Variants in WNK2 observed in about 807,000 individuals in gnomAD.
The protein encoded by WNK2 is WNK lysine deficient protein kinase 2.
In WNK2, 67 loss-of-function variants were observed where a neutral mutation model predicts 192.1. The observed-to-expected ratio is 0.35, with a 90% CI of 0.29 to 0.43. The LOEUF (loss-of-function observed/expected upper bound fraction) is 0.43, where lower values mean the gene tolerates loss of function less well. Among genes scored for constraint, WNK2 ranks in the 20% least tolerant of loss-of-function variants. The pLI, the probability that WNK2 is intolerant of heterozygous loss-of-function variation, is 1.00. For missense variants in WNK2, 2,698 were observed against 3,089.7 expected (o/e 0.87, Z 3.01); for synonymous variants, 1,439 against 1,393.9 (o/e 1.03, Z -0.72).
At chr9:93,199,563 G>A (rs1831942544) in intron 2 of WNK2, among the ~76,000 whole-genome samples, 1 of 152,164 alleles carries the variant, frequency 6.6e-6, no homozygotes, top group South Asian at 2.1e-4. Flanking sequence ...TAAGAGGTTC[G>A]AGCAGCGTAG....
chr9:93,304,228 C>T (rs370782444), intron 26 of WNK2, among the ~76,000 whole-genome samples: 7 of 152,196 alleles, frequency 4.6e-5, no homozygotes, highest in South Asian at 4.1e-4. Context: ...AGGGCAGGGC[C>T]GTTGACCCAA....
intron 2 of WNK2, among the ~76,000 whole-genome samples, chr9:93,199,098 T>G (rs1434577136): frequency 6.6e-6 from 1 of 152,212 alleles, no homozygotes; most frequent in Non-Finnish European, 1.5e-5. Context: ...GAGGTCCTTG[T>G]GTGGGCCTGA....
At chr9:93,211,186 TCACA>T (rs1834499321) in intron 2 of WNK2, among the ~76,000 whole-genome samples, 1 of 11,780 alleles carries the variant, frequency 8.5e-5, no homozygotes, top group Non-Finnish European at 1.9e-4. Flanking sequence ...ATCCACTCAT[TCACA>T]CACTCACACA....
chr9:93,268,984 T>C, intron 19 of WNK2: 1 of 1,529,716 alleles, frequency 6.5e-7, no homozygotes, highest in Non-Finnish European at 8.8e-7. Context: ...ACCAAGTAGG[T>C]GGCTCGCATG....
intron 19 of WNK2, among the ~76,000 whole-genome samples, chr9:93,284,005 GAGAA>G (rs1477350574): frequency 6.6e-6 from 1 of 152,204 alleles, no homozygotes; most frequent in Non-Finnish European, 1.5e-5. Context: ...AAAAGGCAGT[GAGAA>G]AGAAATCAGG....
chr9:93,278,249 C>T (rs1447588353), intron 19 of WNK2, among the ~76,000 whole-genome samples: 1 of 152,018 alleles, frequency 6.6e-6, no homozygotes, highest in African/African-American at 2.4e-5. Context: ...CAAGAATTTC[C>T]AAGGCGGAGT....
intron 2 of WNK2, among the ~76,000 whole-genome samples, chr9:93,227,441 G>A (rs1838018334): frequency 1.3e-5 from 2 of 151,286 alleles, no homozygotes; most frequent in Admixed American, 6.6e-5. Context: ...AGCCCTTCTG[G>A]TAGGTATGGG....
rs1024372645 is a variant in WNK2 at position 93,298,971 on chromosome 9, A to C, written c.5924-99A>C. On this transcript the variant is annotated intron_variant, in intron 24 of 29. Transcript: ENST00000427277. ...GTCTGCAGGAGACGTGAGCTTCCCC[A>C]AGGTCACCCAGCAATAAGCAGGCAG... 10 of 1,314,410 alleles carry C rather than the reference A, an allele frequency of 7.6e-6. No homozygotes were observed. The African/African-American group carries it at 1.3e-4, about 18-fold the overall frequency. 81.4% of individuals were successfully genotyped at this position (1,314,410 alleles called of 1,614,324 possible).
chr9:93,205,134 C>T (rs1170206776), intron 2 of WNK2, among the ~76,000 whole-genome samples: 1 of 152,178 alleles, frequency 6.6e-6, no homozygotes, highest in East Asian at 1.9e-4. Flanking sequence ...ACAGATTTTC[C>T]AGTTGAGCAT....
chr9:93,185,824 G>T (rs1829207145), intron 2 of WNK2, among the ~76,000 whole-genome samples: 2 of 152,260 alleles, frequency 1.3e-5, no homozygotes, highest in Admixed American at 6.5e-5. Context: ...GTTGCGGTTT[G>T]TGAGTCAGCT....
At chr9:93,307,039 C>T (rs910590469) in intron 27 of WNK2, 10 of 605,636 alleles carry the variant, frequency 1.7e-5, no homozygotes, top group South Asian at 5.7e-5. Context: ...AGAGTTTGTG[C>T]GGTCTCGCCA....
At chr9:93,188,656 G>T (rs936793497) in intron 2 of WNK2, among the ~76,000 whole-genome samples, 6 of 152,284 alleles carry the variant, frequency 3.9e-5, no homozygotes, top group African/African-American at 1.4e-4. Context: ...GGTCATCTTT[G>T]GCCAGCCCTG....
At chr9:93,210,549 C>T (rs893467516) in intron 2 of WNK2, among the ~76,000 whole-genome samples, 4 of 152,142 alleles carry the variant, frequency 2.6e-5, no homozygotes, top group Admixed American at 6.5e-5. Flanking sequence ...GCCTGCCGCA[C>T]ATCAGCCTCG....
intron 2 of WNK2, among the ~76,000 whole-genome samples, chr9:93,206,739 G>A (rs1481764082): frequency 6.6e-6 from 1 of 152,206 alleles, no homozygotes; most frequent in Non-Finnish European, 1.5e-5. Flanking sequence ...ACAGGAGGAG[G>A]CTGTGCCCTC....
At chr9:93,314,634 T>TAA (rs1854287394) in intron 28 of WNK2, among the ~76,000 whole-genome samples, 1 of 152,212 alleles carries the variant, frequency 6.6e-6, no homozygotes, top group African/African-American at 2.4e-5. Flanking sequence ...AGTCCCTCCC[T>TAA]AAAGACCTAA....
chr9:93,267,059 GA>G (rs1354545464), intron 16 of WNK2: 1 of 152,292 alleles, frequency 6.6e-6, no homozygotes, highest in African/African-American at 2.4e-5. Flanking sequence ...GAAAGTTGGA[GA>G]CTGTGGACAT....
intron 2 of WNK2, among the ~76,000 whole-genome samples, chr9:93,219,846 A>G (rs1180108468): frequency 1.3e-5 from 2 of 152,260 alleles, no homozygotes; most frequent in Non-Finnish European, 1.5e-5. Context: ...TTTCTGATCC[A>G]GGTGAGTGCA....
chr9:93,268,073 T>C lies in WNK2; in HGVS notation c.3913+8T>C. On this transcript the variant is annotated splice_region_variant and intron_variant, in intron 18 of 29. Transcript: ENST00000427277. Reference sequence around the variant, plus strand: ...CCGTGTATCAGCAGAACGGTGAGTCTGCAACTTCCCTCCCTGCTTTTAAGC... The same window carrying C: ...CCGTGTATCAGCAGAACGGTGAGTCCGCAACTTCCCTCCCTGCTTTTAAGC... The C allele has an allele frequency of 6.2e-7, 1 of 1,608,200 alleles. No homozygotes were observed. Among genetic ancestry groups the C allele is most frequent in the African/African-American group, 1.3e-5 (1 of 74,852 alleles).
intron 19 of WNK2, among the ~76,000 whole-genome samples, chr9:93,275,068 C>CTAT (rs377389177): frequency 0.88 from 133,457 of 152,176 alleles, 59,693 homozygotes; most frequent in East Asian, 1. Flanking sequence ...ATTAAAAGGA[C>CTAT]AGTGTGCCAT....
Sources: gnomAD v4.1 joint callset for allele counts (sites outside exome capture counted in the v4.1 genomes callset) on GRCh38, gnomAD v4.1.1 for gene constraint, MANE v1.5 for transcripts, NCBI Gene and HGNC (gene_info 2026-07-23, HGNC 2026-07-21) for gene names.